Variants in MAP3K15 observed in about 807,000 individuals in gnomAD.
MAP3K15 encodes the protein mitogen-activated protein kinase kinase kinase 15, also known as MAPK/ERK kinase kinase 15.
Under a neutral mutation model 99.5 loss-of-function variants are expected in MAP3K15, and 124 were observed. That is an observed-to-expected ratio of 1.25 (90% CI 1.08 to 1.45). The LOEUF (loss-of-function observed/expected upper bound fraction) is 1.45, where lower values mean the gene tolerates loss of function less well. Ranked by LOEUF, MAP3K15 falls within the 40% of genes most tolerant of loss-of-function variation. The pLI is 0.00. For missense variants in MAP3K15, 1,242 were observed against 1,079.7 expected, an observed-to-expected ratio of 1.15 and a Z score of -2.11; for synonymous variants, 494 against 439.6, an observed-to-expected ratio of 1.12 and a Z score of -1.55.
intron 18 of MAP3K15, among the ~76,000 whole-genome samples, chrX:19,386,453 T>G (rs1057203297): frequency 1.8e-5 from 2 of 110,401 alleles, no homozygotes; most frequent in African/African-American, 6.6e-5. Flanking sequence ...AAGACTCCAT[T>G]TCAACAAAAC....
rs148749572 is a variant in MAP3K15 at position 19,473,177 on chromosome X, A to G, written c.526-8771T>C. 3.6e-3 allele frequency among the ~76,000 whole-genome samples: 402 copies of G among 112,392 alleles called. 7 individuals are homozygous for G. In the East Asian group the frequency reaches 0.074, roughly 21 times the overall value. ...ACAGCAGGAATCCGGAGACTTTGGG[A>G]AGGTAAAAATACTTCCTTTGGGAAA... On this transcript the variant is annotated intron_variant, in intron 3 of 28. Transcript: ENST00000338883.
In MAP3K15 at chrX:19,380,176, C is replaced by T. The variant is rs1417043774; in HGVS notation, c.2533G>A (p.Ala845Thr). The change falls in exon 19 of 29, where the codon GCC becomes ACC. Residue 845 changes from alanine (A) to threonine (T), a missense_variant. Coordinates refer to ENST00000338883, the MANE Select transcript of MAP3K15 (RefSeq NM_001001671.4). ...TCATGGAACGGAGGCTTGCTGGTGG[C>T]CATCTCAATGATGGTGCAGCCCAGG... ...WSLGCTIIEM[A>T]TSKPPFHELG... 2.5e-6 allele frequency: 3 copies of T among 1,203,874 alleles called. No homozygotes were observed. Among genetic ancestry groups the T allele is most frequent in the Non-Finnish European group, 3.4e-6 (3 of 892,060 alleles).
intron 6 of MAP3K15, among the ~76,000 whole-genome samples, chrX:19,437,770 G>C (rs1419941081): frequency 9.0e-6 from 1 of 111,634 alleles, no homozygotes; most frequent in Non-Finnish European, 1.9e-5. Flanking sequence ...AACTGGATCT[G>C]GCACAAAGTA....
In MAP3K15 at chrX:19,392,342, C is replaced by T. The variant is rs150236554; in HGVS notation, c.2325+1G>A. On this transcript the variant is annotated splice_donor_variant, in intron 17 of 28. Transcript: ENST00000338883. LOFTEE classifies it high-confidence loss of function. ...CCTCGTCAGCTTAAAAAAGCAAGTA[C>T]CTTTATGTCTCTGTGCACGATCTGG... The T allele has an allele frequency of 1.7e-6, 2 of 1,205,393 alleles. No homozygotes were observed. The highest frequency in any genetic ancestry group is 2.2e-6 in the Non-Finnish European group (2 of 893,132).
intron 15 of MAP3K15, among the ~76,000 whole-genome samples, chrX:19,397,519 G>GT (rs2063575289): frequency 9.0e-6 from 1 of 111,598 alleles, no homozygotes; most frequent in Admixed American, 9.6e-5. Context: ...GGCGGCTGAA[G>GT]TGGGAAGATC....
At chrX:19,399,771 G>T (rs10127130) in intron 14 of MAP3K15, among the ~76,000 whole-genome samples, 14,561 of 101,011 alleles carry the variant, frequency 0.14, 1,967 homozygotes, top group African/African-American at 0.42. Context: ...AAAAAACATG[G>T]TTAGTAAAGG....
chrX:19,513,564 CT>C (rs372310452), intron 1 of MAP3K15, among the ~76,000 whole-genome samples: 95 of 111,730 alleles, frequency 8.5e-4, no homozygotes, highest in African/African-American at 2.7e-3. Flanking sequence ...GACTCCCCCC[CT>C]ACCCCGCCCT....
chrX:19,458,207 G>C (rs2064107509), intron 5 of MAP3K15, among the ~76,000 whole-genome samples: 1 of 111,806 alleles, frequency 8.9e-6, no homozygotes, highest in South Asian at 3.7e-4. Flanking sequence ...GGTATTCCAA[G>C]AACCTCTTGG....
rs188599626 is a variant in MAP3K15, at chrX:19,389,369, G to T, written c.2431+2633C>A. On this transcript the variant is annotated intron_variant, in intron 18 of 28. Transcript: ENST00000338883. ...ACAGCCCTTCCTCCTGTTCTCGCAGGTTCCTATGTGTGGGGCAAACCCTTC... is the reference window on the plus strand; with the variant it reads ...ACAGCCCTTCCTCCTGTTCTCGCAGTTTCCTATGTGTGGGGCAAACCCTTC... Among the ~76,000 whole-genome samples, 441 of 108,979 alleles carry T rather than the reference G, an allele frequency of 4.0e-3. 5 individuals are homozygous for T. Among genetic ancestry groups the T allele is most frequent in the African/African-American group, 0.014 (415 of 29,743 alleles). 94.6% of individuals were successfully genotyped at this position (108,979 alleles called of 115,157 possible).
At chrX:19,363,659 T>G (rs1394732036) in intron 25 of MAP3K15, among the ~76,000 whole-genome samples, 1 of 107,585 alleles carries the variant, frequency 9.3e-6, no homozygotes, top group Non-Finnish European at 1.9e-5. Flanking sequence ...TGTTTTTGTT[T>G]TTTTTTTTTT....
Position 19,514,887 on chromosome X carries a change from G to A in MAP3K15, c.361+14C>T, listed in dbSNP as rs759907301. ...GGTGAACTGGGACTGAGGTGGGGACGAAGCCGCTCTCACCTGCGTCGTAGA... is the reference window on the plus strand; with the variant it reads ...GGTGAACTGGGACTGAGGTGGGGACAAAGCCGCTCTCACCTGCGTCGTAGA... On this transcript the variant is annotated intron_variant, in intron 1 of 28. Coordinates refer to ENST00000338883, the MANE Select transcript of MAP3K15 (RefSeq NM_001001671.4). 61 of 1,069,446 alleles carry A rather than the reference G, an allele frequency of 5.7e-5. No homozygotes were observed. Among genetic ancestry groups the A allele is most frequent in the Non-Finnish European group, 7.2e-5 (59 of 818,561 alleles). 88.1% of individuals were successfully genotyped at this position (1,069,446 alleles called of 1,213,427 possible).
At chrX:19,440,410 T>G (rs1328029044) in intron 6 of MAP3K15, among the ~76,000 whole-genome samples, 2 of 112,828 alleles carry the variant, frequency 1.8e-5, no homozygotes, top group Non-Finnish European at 3.7e-5. Flanking sequence ...TTTACATACA[T>G]GGAAGGGAAC....
At chrX:19,451,210 G>A (rs760415099) in intron 6 of MAP3K15, among the ~76,000 whole-genome samples, 1 of 104,172 alleles carries the variant, frequency 9.6e-6, no homozygotes, top group East Asian at 2.9e-4. Flanking sequence ...GCTTGAACCC[G>A]GGAGGTGGAG....
At chrX:19,472,602 A>G (rs1243759294) in intron 3 of MAP3K15, among the ~76,000 whole-genome samples, 1 of 111,606 alleles carries the variant, frequency 9.0e-6, no homozygotes, top group Non-Finnish European at 1.9e-5. Context: ...AGAAATGGTA[A>G]ATAAAAAGGT....
chrX:19,414,984 G>A, intron 10 of MAP3K15, 123 bp downstream of exon 10: 1 of 622,694 alleles, frequency 1.6e-6, no homozygotes, highest in Non-Finnish European at 2.3e-6. Flanking sequence ...TAAGATTGAT[G>A]TTTATCCCAA....
At position 19,360,517 on chromosome X, in the gene MAP3K15, G is replaced by A. The variant is rs192450087; in HGVS notation, c.*232C>T. 8.0e-4 allele frequency: 246 copies of A among 307,290 alleles called. No homozygotes were observed. The highest frequency in any genetic ancestry group is 6.1e-3 in the African/African-American group (219 of 35,922). 25.3% of individuals were successfully genotyped at this position (307,290 alleles called of 1,213,427 possible). ...CTACAAGTGAATTTCCTAATATTCC[G>A]GGAGGTCAAAACCAAGGCTCACTGT... is the stretch of plus-strand genomic sequence containing the variant. On this transcript the variant is annotated 3_prime_UTR_variant, in exon 29 of 29. Coordinates refer to ENST00000338883, the MANE Select transcript of MAP3K15 (RefSeq NM_001001671.4).
intron 6 of MAP3K15, among the ~76,000 whole-genome samples, chrX:19,453,846 T>C (rs1174036826): frequency 8.9e-6 from 1 of 111,828 alleles, no homozygotes; most frequent in East Asian, 2.8e-4. Context: ...ACATGGAAAT[T>C]AAGACAGCGA....
chrX:19,364,800 G>C (rs1442816984), intron 25 of MAP3K15, among the ~76,000 whole-genome samples: 1 of 108,051 alleles, frequency 9.3e-6, no homozygotes. Context: ...GGCTGAGGCA[G>C]GAGAATCGCT....
At chrX:19,445,124 C>T (rs2063986039) in intron 6 of MAP3K15, among the ~76,000 whole-genome samples, 1 of 111,127 alleles carries the variant, frequency 9.0e-6, no homozygotes, top group East Asian at 2.8e-4. Context: ...CATTAATATA[C>T]CCTCTACTGC....
Sources: allele counts gnomAD v4.1 joint callset (sites outside exome capture counted in the v4.1 genomes callset), GRCh38; gene constraint gnomAD v4.1.1; transcripts MANE v1.5; gene names NCBI Gene and HGNC (gene_info 2026-07-23, HGNC 2026-07-21).